The following JAKMIP2 variants were observed in gnomAD, a reference collection of about 807,000 sequenced individuals.
JAKMIP2 encodes janus kinase and microtubule interacting protein 2.
JAKMIP2 carries 25 observed loss-of-function variants against 115.0 expected under a neutral mutation model. The observed-to-expected ratio is 0.22, with a 90% CI of 0.16 to 0.30. The LOEUF (loss-of-function observed/expected upper bound fraction) is 0.30, where lower values mean the gene tolerates loss of function less well. Ranked by LOEUF, JAKMIP2 falls within the 10% of genes least tolerant of loss-of-function variation. The pLI is 1.00. For missense variants in JAKMIP2, 642 were observed against 957.6 expected, an observed-to-expected ratio of 0.67 and a Z score of 4.35; for synonymous variants, 334 against 343.6, an observed-to-expected ratio of 0.97 and a Z score of 0.31.
At chr5:147,624,124 T>C (rs1236655473) in intron 16 of JAKMIP2, among the ~76,000 whole-genome samples, 1 of 152,160 alleles carries the variant, frequency 6.6e-6, no homozygotes, top group African/African-American at 2.4e-5. Flanking sequence ...CGAGCCACCG[T>C]GCCTGACCCA....
chr5:147,750,939 C>T (rs1326686041), intron 1 of JAKMIP2, among the ~76,000 whole-genome samples: 2 of 152,158 alleles, frequency 1.3e-5, no homozygotes, highest in Non-Finnish European at 2.9e-5. Context: ...AAAAATTCTG[C>T]TATTTAAGCC....
intron 1 of JAKMIP2, among the ~76,000 whole-genome samples, chr5:147,729,326 G>C (rs542942674): frequency 9.9e-5 from 15 of 152,276 alleles, no homozygotes; most frequent in African/African-American, 3.1e-4. Context: ...GAGGATGCTC[G>C]AGACAGCCCT....
At chr5:147,696,319 C>T (rs192895777) in intron 1 of JAKMIP2, among the ~76,000 whole-genome samples, 119 of 152,204 alleles carry the variant, frequency 7.8e-4, no homozygotes, top group Non-Finnish European at 1.4e-3. Context: ...GGACAGTTTC[C>T]CTCATGCTGT....
In JAKMIP2 at chr5:147,671,710, T is replaced by G; in HGVS notation, c.97A>C (p.Ile33Leu). ...NEDLRTKLTD[I>L]QIELHQEKSK... is the part of the protein sequence containing the mutation. ...TTCTCTTGATGCAGCTCTATCTGAATGTCTGTGAGCTTGGTCCTGAGGTCT... is the reference window on the plus strand; with the variant it reads ...TTCTCTTGATGCAGCTCTATCTGAAGGTCTGTGAGCTTGGTCCTGAGGTCT... Residue 33 changes from isoleucine (I) to leucine (L), a missense_variant, in exon 2 of 22, where the codon ATT (isoleucine) becomes CTT (leucine). Around this residue, in one of 6 missense-constraint regions of JAKMIP2, gnomAD observed 439 missense variants for 570.9 expected, o/e 0.77. Coordinates refer to ENST00000616793, the MANE Select transcript of JAKMIP2 (RefSeq NM_001270941.2). 6.4e-7 allele frequency: 1 copy of G among 1,569,048 alleles called. No individual in the cohort carries two copies. Among genetic ancestry groups the G allele is most frequent in the African/African-American group, 1.4e-5 (1 of 72,846 alleles).
chr5:147,627,546 T>A (rs1404042328), intron 16 of JAKMIP2, among the ~76,000 whole-genome samples: 2 of 151,934 alleles, frequency 1.3e-5, no homozygotes, highest in Admixed American at 6.6e-5. Flanking sequence ...TGGGGAGGGA[T>A]CAGAGAAAGT....
intron 21 of JAKMIP2, among the ~76,000 whole-genome samples, chr5:147,598,381 A>C (rs957140415): frequency 7.9e-5 from 12 of 152,220 alleles, no homozygotes; most frequent in Admixed American, 7.2e-4. Context: ...CTCCACCCCC[A>C]TAACCAGGTG....
rs1162426073 is a variant in JAKMIP2, at chr5:147,590,326, A to G, written c.*1381T>C. ...CTGTTATCTACAGTAAATGAGGTGT[A>G]AAATTAGCTTTTCAGGAACATACAT... On this transcript the variant is annotated 3_prime_UTR_variant, in exon 22 of 22. Transcript: ENST00000616793. 1 of 152,218 alleles carries G rather than the reference A, an allele frequency of 6.6e-6. No homozygotes were observed. The highest frequency in any genetic ancestry group is 2.4e-5 in the African/African-American group (1 of 41,454). The allele number at this position is 152,218 out of a possible 1,614,324, so 9.4% of individuals were successfully genotyped here.
chr5:147,586,034 G>A lies in JAKMIP2; in HGVS notation c.*5673C>T, dbSNP rs1186505005. ...AACCTATTTGCTGGTTTATGGGCCT[G>A]GATAATTGAAAAACCGAGTGGTCTC... On this transcript the variant is annotated 3_prime_UTR_variant, in exon 22 of 22. Coordinates refer to ENST00000616793, the MANE Select transcript of JAKMIP2 (RefSeq NM_001270941.2). 1 of 151,848 alleles carries A rather than the reference G, an allele frequency of 6.6e-6. No individual in the cohort carries two copies. Among genetic ancestry groups the A allele is most frequent in the African/African-American group, 2.4e-5 (1 of 41,346 alleles). 9.4% of individuals were successfully genotyped at this position (151,848 alleles called of 1,614,324 possible). A position where few individuals can be genotyped will look rare whatever the true frequency, so the allele number is the denominator to read the frequency against.
chr5:147,645,102 C>T (rs760970539), intron 5 of JAKMIP2, 106 bp from the exon 6 acceptor site: 4 of 995,084 alleles, frequency 4.0e-6, no homozygotes, highest in Non-Finnish European at 6.1e-6. Flanking sequence ...CTTGTCTCTG[C>T]TTCACTATGT....
At chr5:147,616,353 G>A (rs1430649792) in intron 19 of JAKMIP2, among the ~76,000 whole-genome samples, 1 of 152,214 alleles carries the variant, frequency 6.6e-6, no homozygotes, top group Non-Finnish European at 1.5e-5. Flanking sequence ...GATGGAAAAT[G>A]TCAATGAAAC....
intron 1 of JAKMIP2, among the ~76,000 whole-genome samples, chr5:147,691,043 TAA>T (rs1351483738): frequency 6.6e-6 from 1 of 152,092 alleles, no homozygotes; most frequent in East Asian, 1.9e-4. Context: ...CAAGATTGGT[TAA>T]TGTGACGGAC....
intron 1 of JAKMIP2, among the ~76,000 whole-genome samples, chr5:147,745,404 G>C (rs1209653548): frequency 1.3e-5 from 2 of 152,152 alleles, no homozygotes; most frequent in African/African-American, 4.8e-5. Context: ...AATGCCAACA[G>C]TAACAAAATC....
rs1561513271 is a variant in JAKMIP2 at position 147,648,484 on chromosome 5, A to C, written c.838-10T>G. The C allele has an allele frequency of 4.9e-6, 7 of 1,440,928 alleles. No homozygotes were observed. The highest frequency in any genetic ancestry group is 6.8e-6 in the Non-Finnish European group (7 of 1,025,024). The allele number at this position is 1,440,928 out of a possible 1,614,324, so 89.3% of individuals were successfully genotyped here. On this transcript the variant is annotated splice_polypyrimidine_tract_variant and intron_variant, in intron 4 of 21. Coordinates refer to ENST00000616793, the MANE Select transcript of JAKMIP2 (RefSeq NM_001270941.2). ...GATTTCTTCGCAAATCCTACAAAGA[A>C]AAATTAAAATGGGTATTTCTTCAAC...
chr5:147,719,463 T>C (rs1245478839), intron 1 of JAKMIP2, among the ~76,000 whole-genome samples: 26 of 148,564 alleles, frequency 1.8e-4, no homozygotes, highest in Non-Finnish European at 3.3e-4. Flanking sequence ...AAGTCTCCCA[T>C]TATTAATGTG....
At chr5:147,729,207 T>C (rs571062231) in intron 1 of JAKMIP2, among the ~76,000 whole-genome samples, 1 of 152,282 alleles carries the variant, frequency 6.6e-6, no homozygotes, top group East Asian at 1.9e-4. Flanking sequence ...TTGTCACAGA[T>C]GCATGACCTT....
rs928452735 is a variant in JAKMIP2 at position 147,585,563 on chromosome 5, C to G, written c.*6144G>C. On this transcript the variant is annotated 3_prime_UTR_variant, in exon 22 of 22. Coordinates refer to ENST00000616793, the MANE Select transcript of JAKMIP2 (RefSeq NM_001270941.2). Reference sequence around the variant, plus strand: ...AAACTTTACATACAGTAAGTTGATTCCAATCTCTACGGTAATACATACAGT... The same window carrying G: ...AAACTTTACATACAGTAAGTTGATTGCAATCTCTACGGTAATACATACAGT... 6.6e-6 allele frequency: 1 copy of G among 152,140 alleles called. No individual in the cohort carries two copies. The highest frequency in any genetic ancestry group is 1.5e-5 in the Non-Finnish European group (1 of 68,022). 9.4% of individuals were successfully genotyped at this position (152,140 alleles called of 1,614,324 possible).
At chr5:147,781,609 T>C (rs953970918) in intron 1 of JAKMIP2, among the ~76,000 whole-genome samples, 22 of 152,100 alleles carry the variant, frequency 1.4e-4, no homozygotes, top group African/African-American at 5.1e-4. Flanking sequence ...ATGACACAGA[T>C]CAAACGATAG....
chr5:147,637,119 A>G, intron 10 of JAKMIP2, 71 bp from the exon 11 acceptor site: 1 of 819,052 alleles, frequency 1.2e-6, no homozygotes, highest in Non-Finnish European at 2.1e-6. Context: ...CTAGAACTCA[A>G]CAAGTAAGAG....
intron 1 of JAKMIP2, among the ~76,000 whole-genome samples, chr5:147,674,345 A>G (rs1759805587): frequency 6.6e-6 from 1 of 152,216 alleles, no homozygotes; most frequent in South Asian, 2.1e-4. Context: ...AACACAGAGT[A>G]AAAAAGGAGC....
Sources: gnomAD v4.1 joint callset for allele counts (sites outside exome capture counted in the v4.1 genomes callset) on GRCh38, gnomAD v4.1.1 for gene constraint, gnomAD v4.1.1 regional missense constraint, MANE v1.5 for transcripts, NCBI Gene and HGNC (gene_info 2026-07-23, HGNC 2026-07-21) for gene names.